Variants in HDAC1 observed in about 807,000 individuals in gnomAD.
The protein encoded by HDAC1 is histone deacetylase 1.
A neutral mutation model predicts 65.5 loss-of-function variants in HDAC1; 18 were observed. The ratio of observed to expected loss-of-function variants is 0.27; its 90% CI spans 0.19 to 0.41. The LOEUF is 0.41. Among genes scored for constraint, HDAC1 ranks in the 10% least tolerant of loss-of-function variants. HDAC1 has a pLI of 1.00. For synonymous variants in HDAC1, 211 were observed against 227.9 expected (o/e 0.93, Z 0.67); for missense variants, 373 against 625.2 (o/e 0.60, Z 4.30).
intron 4 of HDAC1, among the ~76,000 whole-genome samples, chr1:32,326,241 A>C (rs1050787249): frequency 6.7e-6 from 1 of 148,760 alleles, no homozygotes; most frequent in Non-Finnish European, 1.5e-5. Context: ...GCTCACTGCA[A>C]CCTCCGCCTC....
In HDAC1 at chr1:32,324,507, C is replaced by A; in HGVS notation, c.309C>A (p.Phe103Leu). ...RFNVGEDCPV[F>L]DGLFEFCQLS... ...ACGTTGGTGAGGACTGTCCAGTATT[C>A]GATGGCCTGTTTGAGTTCTGTCAGT... Residue 103 changes from phenylalanine to leucine, a missense_variant, in exon 4 of 14, where the codon TTC becomes TTA. Around this residue, in one of 4 missense-constraint regions of HDAC1, gnomAD observed 62 missense variants for 180.0 expected, o/e 0.34. Transcript: ENST00000373548. 1.2e-6 allele frequency: 2 copies of A among 1,613,182 alleles called. No homozygotes were observed. The highest frequency in any genetic ancestry group is 1.7e-6 in the Non-Finnish European group (2 of 1,179,144).
At position 32,330,777 on chromosome 1, in the gene HDAC1, A is replaced by G. The variant is rs766065383; in HGVS notation, c.848A>G (p.Lys283Arg). 6 of 1,614,004 alleles carry G rather than the reference A, an allele frequency of 3.7e-6. No individual in the cohort carries two copies. ...CCTTCTCCCACCAAAGGACACGCCAAGTGTGTGGAATTTGTCAAGAGCTTT... is the reference window on the plus strand; with the variant it reads ...CCTTCTCCCACCAAAGGACACGCCAGGTGTGTGGAATTTGTCAAGAGCTTT... ...CFNLTIKGHAKCVEFVKSFNL... is the reference protein window; with the variant it reads ...CFNLTIKGHARCVEFVKSFNL... The change falls in exon 9 of 14, where the codon AAG (lysine) becomes AGG (arginine). Residue 283 changes from lysine (K) to arginine (R), a missense_variant. By Grantham distance (26) the Lys-to-Arg change is conservative. Coordinates refer to ENST00000373548, the MANE Select transcript of HDAC1 (RefSeq NM_004964.3). This position sits in a 1 kb window ranked among gnomAD's most constrained non-coding sequence, Gnocchi z 4.2.
chr1:32,294,297 C>G (rs934889700), intron 1 of HDAC1, among the ~76,000 whole-genome samples: 1 of 151,438 alleles, frequency 6.6e-6, no homozygotes, highest in South Asian at 2.1e-4. Flanking sequence ...TACAGGCGTG[C>G]GCCACCATGC....
chr1:32,297,626 G>A (rs540184193), intron 1 of HDAC1, among the ~76,000 whole-genome samples: 21 of 152,098 alleles, frequency 1.4e-4, no homozygotes, highest in African/African-American at 4.3e-4. Context: ...TTTTTTTGCG[G>A]GGGGGACGGA....
chr1:32,308,975 C>A (rs1318091725), intron 2 of HDAC1, among the ~76,000 whole-genome samples: 1 of 152,094 alleles, frequency 6.6e-6, no homozygotes, highest in African/African-American at 2.4e-5. Flanking sequence ...CTATACCTGG[C>A]TAATTTTTGT....
chr1:32,318,371 G>A (rs1246941940), intron 3 of HDAC1, among the ~76,000 whole-genome samples: 3 of 152,130 alleles, frequency 2.0e-5, no homozygotes, highest in African/African-American at 4.8e-5. Flanking sequence ...GACCAGCCTG[G>A]GCAACATAGT....
At chr1:32,294,680 G>A (rs111934276) in intron 1 of HDAC1, among the ~76,000 whole-genome samples, 6,461 of 151,488 alleles carry the variant, frequency 0.043, 445 homozygotes, top group African/African-American at 0.15. Flanking sequence ...ACACTGGGCT[G>A]ATTTTTTGTA....
chr1:32,304,204 C>A (rs1640883658), intron 2 of HDAC1, among the ~76,000 whole-genome samples: 1 of 152,096 alleles, frequency 6.6e-6, no homozygotes, highest in South Asian at 2.1e-4. Flanking sequence ...TTTTTGTCAC[C>A]ATTCCAGAGA....
chr1:32,307,392 A>G (rs1640926242), intron 2 of HDAC1, among the ~76,000 whole-genome samples: 1 of 152,188 alleles, frequency 6.6e-6, no homozygotes, highest in Non-Finnish European at 1.5e-5. Context: ...GCATATCAAA[A>G]TTGCCAGCAT....
chr1:32,293,970 A>C, intron 1 of HDAC1, among the ~76,000 whole-genome samples: 1 of 148,968 alleles, frequency 6.7e-6, no homozygotes, highest in East Asian at 2.1e-4. Flanking sequence ...CAGGAGGCTG[A>C]GGTGCGAGAG....
chr1:32,323,129 C>T (rs1389165337), intron 3 of HDAC1, among the ~76,000 whole-genome samples: 6 of 151,992 alleles, frequency 3.9e-5, no homozygotes, highest in East Asian at 3.9e-4. Context: ...GGTGAAACCC[C>T]GTCTCTACTA....
At chr1:32,310,588 G>A (rs532581450) in intron 2 of HDAC1, among the ~76,000 whole-genome samples, 28 of 152,232 alleles carry the variant, frequency 1.8e-4, no homozygotes, top group African/African-American at 6.0e-4. Flanking sequence ...AGTGGCTCAC[G>A]CTTGTAGTCC....
Position 32,327,281 on chromosome 1 carries a change from A to G in HDAC1, c.494+204A>G. On this transcript the variant is annotated intron_variant, in intron 5 of 13. Coordinates refer to ENST00000373548, the MANE Select transcript of HDAC1 (RefSeq NM_004964.3). This position sits in a 1 kb window ranked among gnomAD's most constrained non-coding sequence, Gnocchi z 6.0. ...GCATGATCAGGGGCAGATGCTGCTC[A>G]GATCCTGCCTCCAGAGTGTCCCTGT... 1.6e-6 allele frequency: 1 copy of G among 621,308 alleles called. No individual in the cohort carries two copies. The allele number at this position is 621,308 out of a possible 1,614,324, so 38.5% of individuals were successfully genotyped here. A position where few individuals can be genotyped will look rare whatever the true frequency, so the allele number is the denominator to read the frequency against.
Position 32,329,008 on chromosome 1 carries a change from A to G in HDAC1, c.637-60A>G. 1 of 1,019,646 alleles carries G rather than the reference A, an allele frequency of 9.8e-7. No individual in the cohort carries two copies. Among genetic ancestry groups the G allele is most frequent in the Non-Finnish European group, 1.6e-6 (1 of 638,506 alleles). The allele number at this position is 1,019,646 out of a possible 1,614,324, so 63.2% of individuals were successfully genotyped here. A position where few individuals can be genotyped will look rare whatever the true frequency, so the allele number is the denominator to read the frequency against. On this transcript the variant is annotated intron_variant, in intron 6 of 13. Transcript: ENST00000373548. The surrounding 1 kb of genome is among the most constrained non-coding windows in gnomAD (Gnocchi z 4.1). ...CTCTTCCTTTATCCCTCCAGCCCCT[A>G]TCCTTGACCTTCCTTCAAGCTTCAT... is the stretch of plus-strand genomic sequence containing the variant.
At chr1:32,315,949 A>T (rs1362037773) in intron 2 of HDAC1, among the ~76,000 whole-genome samples, 3 of 150,110 alleles carry the variant, frequency 2.0e-5, no homozygotes, top group African/African-American at 7.4e-5. Context: ...TGGGTGACAG[A>T]GTGAGACTCC....
In HDAC1 at chr1:32,329,255, C is replaced by T. The variant is rs780763869; in HGVS notation, c.729+95C>T. On this transcript the variant is annotated intron_variant, in intron 7 of 13. Coordinates refer to ENST00000373548, the MANE Select transcript of HDAC1 (RefSeq NM_004964.3). This position sits in a 1 kb window ranked among gnomAD's most constrained non-coding sequence, Gnocchi z 4.1. Reference sequence around the variant, plus strand: ...CCCCACCATACCTCAGGAATCTCTCCTTACTAAAGCTGGTGGGGAGATAGA... The same window carrying T: ...CCCCACCATACCTCAGGAATCTCTCTTTACTAAAGCTGGTGGGGAGATAGA... 5.5e-5 allele frequency: 44 copies of T among 795,060 alleles called. No homozygotes were observed. The highest frequency in any genetic ancestry group is 6.8e-6 in the Non-Finnish European group (3 of 440,642). 49.3% of individuals were successfully genotyped at this position (795,060 alleles called of 1,614,324 possible).
At chr1:32,328,181 G>C (rs1641244268) in intron 6 of HDAC1, among the ~76,000 whole-genome samples, 1 of 152,210 alleles carries the variant, frequency 6.6e-6, no homozygotes, top group Non-Finnish European at 1.5e-5. Context: ...CTACTTCGTT[G>C]AACTGTTCCA....
Position 32,331,884 on chromosome 1 carries a change from C to T in HDAC1, c.1219+78C>T. The T allele has an allele frequency of 6.6e-7, 1 of 1,514,936 alleles. No individual in the cohort carries two copies. Among genetic ancestry groups the T allele is most frequent in the South Asian group, 1.3e-5 (1 of 79,394 alleles). The allele number at this position is 1,514,936 out of a possible 1,614,324, so 93.8% of individuals were successfully genotyped here. On this transcript the variant is annotated intron_variant, in intron 11 of 13. Transcript: ENST00000373548. This position sits in a 1 kb window ranked among gnomAD's most constrained non-coding sequence, Gnocchi z 4.2. Reference sequence around the variant, plus strand: ...TTCCACCACCATTCCTGGCTGCACACTCCCTCCAAGCTCCCCACCTGTAGA... The same window carrying T: ...TTCCACCACCATTCCTGGCTGCACATTCCCTCCAAGCTCCCCACCTGTAGA...
At position 32,307,125 on chromosome 1, in the gene HDAC1, G is replaced by A. The variant is rs188261588; in HGVS notation, c.162+4392G>A. Among the ~76,000 whole-genome samples the A allele has an allele frequency of 1.9e-3, 285 of 152,168 alleles. 5 individuals are homozygous for A. In the East Asian group the frequency reaches 0.035, roughly 19 times the overall value. Reference sequence around the variant, plus strand: ...CCAGACGTGGTGGTGCATACCTGTAGTCCCAGCTACTCAGGAGGCTGAGAC... The same window carrying A: ...CCAGACGTGGTGGTGCATACCTGTAATCCCAGCTACTCAGGAGGCTGAGAC... On this transcript the variant is annotated intron_variant, in intron 2 of 13. Coordinates refer to ENST00000373548, the MANE Select transcript of HDAC1 (RefSeq NM_004964.3).
Sources: gnomAD v4.1 joint callset for allele counts (sites outside exome capture counted in the v4.1 genomes callset) on GRCh38, gnomAD v4.1.1 for gene constraint, gnomAD v4.1.1 regional missense constraint, Gnocchi (gnomAD v3.1) non-coding constraint, MANE v1.5 for transcripts, NCBI Gene and HGNC (gene_info 2026-07-23, HGNC 2026-07-21) for gene names.